The following PCSK6 variants were observed in gnomAD, a reference collection of about 807,000 sequenced individuals.
PCSK6 encodes proprotein convertase subtilisin/kexin type 6.
In PCSK6, 85 loss-of-function variants were observed where a neutral mutation model predicts 123.3. That is an observed-to-expected ratio of 0.69 (90% CI 0.58 to 0.83). The LOEUF is 0.83. Ranked by LOEUF, PCSK6 falls within the 40% of genes least tolerant of loss-of-function variation. PCSK6 has a pLI of 0.00. For synonymous variants in PCSK6, 508 were observed against 516.0 expected (o/e 0.98, Z 0.21); for missense variants, 1,191 against 1,282.3 (o/e 0.93, Z 1.09).
intron 15 of PCSK6, among the ~76,000 whole-genome samples, chr15:101,329,203 C>G (rs1312290713): frequency 6.6e-6 from 1 of 152,182 alleles, no homozygotes; most frequent in Non-Finnish European, 1.5e-5. Flanking sequence ...CACCTTCAAT[C>G]CTTTGTGGAG....
chr15:101,365,337 A>G (rs1374687597), intron 13 of PCSK6, among the ~76,000 whole-genome samples: 2 of 152,234 alleles, frequency 1.3e-5, no homozygotes, highest in East Asian at 3.8e-4. Flanking sequence ...ATCATCAGGC[A>G]ATTGAAGAAC....
chr15:101,377,174 C>T (rs557780546), intron 11 of PCSK6, among the ~76,000 whole-genome samples: 19 of 152,208 alleles, frequency 1.2e-4, no homozygotes, highest in South Asian at 4.1e-4. Context: ...GCTGACCTGC[C>T]GCAGATGAGA....
chr15:101,315,672 G>A (rs548456953), intron 19 of PCSK6, among the ~76,000 whole-genome samples: 2 of 152,246 alleles, frequency 1.3e-5, no homozygotes, highest in Non-Finnish European at 1.5e-5. Context: ...GGCACAGGAC[G>A]CTCATGCTTG....
intron 15 of PCSK6, among the ~76,000 whole-genome samples, chr15:101,331,227 T>C (rs1445569534): frequency 6.6e-6 from 1 of 152,166 alleles, no homozygotes; most frequent in Non-Finnish European, 1.5e-5. Context: ...GGCAATGGGA[T>C]GATTGGAGAA....
chr15:101,454,513 G>T (rs529587869), intron 1 of PCSK6, among the ~76,000 whole-genome samples: 6 of 152,300 alleles, frequency 3.9e-5, no homozygotes, highest in African/African-American at 1.2e-4. Context: ...TCAGTGAAAT[G>T]AGCCAGGCAC....
At chr15:101,471,880 C>G (rs1374959269) in intron 1 of PCSK6, among the ~76,000 whole-genome samples, 3 of 152,180 alleles carry the variant, frequency 2.0e-5, no homozygotes, top group Non-Finnish European at 4.4e-5. Flanking sequence ...AGGTTTCTTT[C>G]ACTTGGCCTG....
At chr15:101,393,508 C>T in intron 7 of PCSK6, 84 bp from the exon 8 acceptor site, 4 of 998,476 alleles carry the variant, frequency 4.0e-6, no homozygotes, top group Non-Finnish European at 4.4e-6. Context: ...GTCCCATCTC[C>T]CAAATGTTCC....
chr15:101,396,284 C>T (rs1357589633), intron 7 of PCSK6, among the ~76,000 whole-genome samples: 4 of 152,136 alleles, frequency 2.6e-5, no homozygotes, highest in Admixed American at 2.0e-4. Context: ...ATTCCGAATG[C>T]AAAGATCCCT....
At chr15:101,316,669 C>T (rs1167269790) in intron 19 of PCSK6, among the ~76,000 whole-genome samples, 2 of 152,206 alleles carry the variant, frequency 1.3e-5, no homozygotes, top group Non-Finnish European at 2.9e-5. Flanking sequence ...TTGAGGGCTG[C>T]CCCAGGAGGG....
intron 1 of PCSK6, among the ~76,000 whole-genome samples, chr15:101,464,251 G>A (rs756997787): frequency 2.6e-5 from 4 of 152,152 alleles, no homozygotes; most frequent in Non-Finnish European, 5.9e-5. Context: ...CAGACCCCAA[G>A]GCACAGGAAC....
intron 11 of PCSK6, 60 bp downstream of exon 11, chr15:101,382,032 A>G: frequency 8.5e-7 from 1 of 1,170,412 alleles, no homozygotes. Flanking sequence ...ACACCTTACA[A>G]CAGAGTCAGC....
rs1301456849 is a variant in PCSK6, at chr15:101,437,562, T to G, written c.403-5462A>C. Reference sequence around the variant, plus strand: ...CCCTGCAGCCATAACTGCAACAGCGTAGAGACCATTTCTTGAATTCTTTCC... The same window carrying G: ...CCCTGCAGCCATAACTGCAACAGCGGAGAGACCATTTCTTGAATTCTTTCC... On this transcript the variant is annotated intron_variant, in intron 2 of 21. Coordinates refer to ENST00000611716, the MANE Select transcript of PCSK6 (RefSeq NM_002570.5). Among the ~76,000 whole-genome samples the G allele has an allele frequency of 2.0e-5, 3 of 152,104 alleles. No homozygotes were observed. The East Asian group carries it at 5.8e-4, about 29-fold the overall frequency.
Position 101,305,233 on chromosome 15 carries a change from G to A in PCSK6, c.*25C>T. Reference sequence around the variant, plus strand: ...GACGGATGGATGGATGGGAGTGCCTGCCCTCTGTGGGCAGCTAGGCACCCT... The same window carrying A: ...GACGGATGGATGGATGGGAGTGCCTACCCTCTGTGGGCAGCTAGGCACCCT... On this transcript the variant is annotated 3_prime_UTR_variant, in exon 22 of 22. Transcript: ENST00000611716. The surrounding 1 kb of genome is among the most constrained non-coding windows in gnomAD (Gnocchi z 4.8). The A allele has an allele frequency of 6.4e-7, 1 of 1,574,410 alleles. No homozygotes were observed. Among genetic ancestry groups the A allele is most frequent in the Non-Finnish European group, 8.7e-7 (1 of 1,151,824 alleles).
intron 21 of PCSK6, among the ~76,000 whole-genome samples, chr15:101,306,769 G>A (rs1464816654): frequency 2.0e-5 from 3 of 152,218 alleles, no homozygotes; most frequent in Non-Finnish European, 4.4e-5. Context: ...CTGCAGAGCT[G>A]GGATTGCTGC....
chr15:101,326,523 T>C lies in PCSK6; in HGVS notation c.2078-44A>G, dbSNP rs368770956. 1.5e-5 allele frequency: 23 copies of C among 1,504,426 alleles called. No homozygotes were observed. The African/African-American group carries it at 2.2e-4, about 14-fold the overall frequency. The allele number at this position is 1,504,426 out of a possible 1,614,324, so 93.2% of individuals were successfully genotyped here. ...GCCTTTCATCCAGAGAGACGCCTTC[T>C]CCATCTACTGCAGTCCCGCGGATCC... is the stretch of plus-strand genomic sequence containing the variant. On this transcript the variant is annotated intron_variant, in intron 15 of 21. Coordinates refer to ENST00000611716, the MANE Select transcript of PCSK6 (RefSeq NM_002570.5).
chr15:101,382,727 C>A (rs979630360), intron 10 of PCSK6, among the ~76,000 whole-genome samples: 16 of 151,740 alleles, frequency 1.1e-4, no homozygotes, highest in Admixed American at 4.6e-4. Flanking sequence ...GACAGGCTTG[C>A]GAACTGGCCC....
intron 6 of PCSK6, among the ~76,000 whole-genome samples, chr15:101,425,503 A>G (rs1467372273): frequency 6.6e-6 from 1 of 152,246 alleles, no homozygotes; most frequent in African/African-American, 2.4e-5. Context: ...TCAAGAGACT[A>G]TAATGCATAT....
chr15:101,469,108 T>C (rs1303316235), intron 1 of PCSK6, among the ~76,000 whole-genome samples: 1 of 152,094 alleles, frequency 6.6e-6, no homozygotes, highest in Non-Finnish European at 1.5e-5. Flanking sequence ...ACACGTGTTT[T>C]TTTAGGCATT....
At chr15:101,311,329 G>A (rs554566430) in intron 20 of PCSK6, among the ~76,000 whole-genome samples, 9 of 123,550 alleles carry the variant, frequency 7.3e-5, no homozygotes, top group African/African-American at 2.8e-4. Flanking sequence ...GTTTTGCCAT[G>A]TTGGCCAGGC....
Sources: gnomAD v4.1 joint callset for allele counts (sites outside exome capture counted in the v4.1 genomes callset) on GRCh38, gnomAD v4.1.1 for gene constraint, Gnocchi (gnomAD v3.1) non-coding constraint, MANE v1.5 for transcripts, NCBI Gene and HGNC (gene_info 2026-07-23, HGNC 2026-07-21) for gene names.